Variants in NBPF20 observed in about 807,000 individuals in gnomAD.
The protein encoded by NBPF20 is NBPF family member NBPF20.
In NBPF20, 90 loss-of-function variants were observed where a neutral mutation model predicts 68.1. That is an observed-to-expected ratio of 1.32 (90% CI 1.11 to 1.58). The LOEUF (loss-of-function observed/expected upper bound fraction) is 1.58, where lower values mean the gene tolerates loss of function less well. Among genes scored for constraint, NBPF20 ranks in the 40% most tolerant of loss-of-function variants. The pLI is 0.00. For missense variants in NBPF20, 816 were observed against 601.2 expected, an observed-to-expected ratio of 1.36 and a Z score of -3.74; for synonymous variants, 290 against 228.1, an observed-to-expected ratio of 1.27 and a Z score of -2.45.
chr1:145,410,913 G>T, the NBPF20 span, among the ~76,000 whole-genome samples: 14 of 130,422 alleles, frequency 1.1e-4, no homozygotes, highest in Non-Finnish European at 1.8e-4. Flanking sequence ...GTTTGTGTGT[G>T]TGTGTGTGTA....
exon 138 of NBPF20, chr1:145,290,643 C>A (rs1213439606): frequency 6.6e-6 from 1 of 151,106 alleles, no homozygotes; most frequent in East Asian, 1.9e-4. Context: ...TTTTTGAACC[C>A]AAAATATCTC....
At chr1:145,390,395 T>C (rs1661949463) in intron 13 of NBPF20, among the ~76,000 whole-genome samples, 1 of 42,102 alleles carries the variant, frequency 2.4e-5, no homozygotes, top group Non-Finnish European at 3.8e-5. Flanking sequence ...GCTCAGTGAA[T>C]TGTCCAGGTG....
chr1:145,403,787 T>G (rs1662637483), intron 2 of NBPF20, among the ~76,000 whole-genome samples: 1 of 151,710 alleles, frequency 6.6e-6, no homozygotes, highest in Non-Finnish European at 1.5e-5. Flanking sequence ...CTTTGATTTT[T>G]AAATCATATC....
chr1:145,411,098 T>C, the NBPF20 span, among the ~76,000 whole-genome samples: 1 of 146,798 alleles, frequency 6.8e-6, no homozygotes, highest in Non-Finnish European at 1.5e-5. Context: ...TTCACCATTA[T>C]TCTTTTATAA....
Position 145,393,879 on chromosome 1 carries a change from C to G in NBPF20, c.1043+5G>C, listed in dbSNP as rs1662071896. The G allele has an allele frequency of 1.3e-6, 2 of 1,549,326 alleles. No homozygotes were observed. The highest frequency in any genetic ancestry group is 8.8e-7 in the Non-Finnish European group (1 of 1,134,010). ...AATTAACTCTCCACAATTTCTCAGACTCACCTGGGACCTGTTGCCTCTTGG... is the reference window on the plus strand; with the variant it reads ...AATTAACTCTCCACAATTTCTCAGAGTCACCTGGGACCTGTTGCCTCTTGG... On this transcript the variant is annotated splice_donor_5th_base_variant and intron_variant, in intron 9 of 137. Transcript: ENST00000369373.
the NBPF20 span, among the ~76,000 whole-genome samples, chr1:145,419,079 G>C: frequency 1.4e-5 from 2 of 139,624 alleles, no homozygotes; most frequent in Non-Finnish European, 3.0e-5. Flanking sequence ...GAGGAAGGGA[G>C]GGAGGAAGGA....
the NBPF20 span, among the ~76,000 whole-genome samples, chr1:145,419,421 A>G: frequency 1.3e-5 from 2 of 152,140 alleles, no homozygotes; most frequent in South Asian, 2.1e-4. Context: ...TCTGAAACAC[A>G]TAATTCCTCT....
chr1:145,410,796 ACG>A, the NBPF20 span, among the ~76,000 whole-genome samples: 2,758 of 102,680 alleles, frequency 0.027, 122 homozygotes, highest in African/African-American at 0.1. Context: ...ACATATATAT[ACG>A]TATATGTATA....
intron 9 of NBPF20, among the ~76,000 whole-genome samples, 188 bp from the exon 15 acceptor site, chr1:145,393,434 GAC>G (rs1433077887): frequency 7.0e-6 from 1 of 142,626 alleles, no homozygotes; most frequent in East Asian, 2.1e-4. Context: ...GAAAGAGAGA[GAC>G]ACACACTCAC....
At chr1:145,422,014 G>A in the NBPF20 span, among the ~76,000 whole-genome samples, 1 of 151,994 alleles carries the variant, frequency 6.6e-6, no homozygotes, top group Admixed American at 6.6e-5. Flanking sequence ...CTCCAGCCTG[G>A]GAAACAGAGC....
At chr1:145,409,637 T>G (rs1662929299), upstream of NBPF20, among the ~76,000 whole-genome samples, 1 of 148,530 alleles carries the variant, frequency 6.7e-6, no homozygotes, top group South Asian at 2.2e-4. Context: ...ATTGGAGATC[T>G]GAAGGGACTC....
intron 83 of NBPF20, among the ~76,000 whole-genome samples, chr1:145,334,866 G>T (rs1350679222): frequency 7.2e-6 from 1 of 138,892 alleles, no homozygotes; most frequent in African/African-American, 2.5e-5. Flanking sequence ...AGAGGAGAAA[G>T]TAAGCTCAGC....
At chr1:145,413,552 A>G in the NBPF20 span, among the ~76,000 whole-genome samples, 3 of 152,114 alleles carry the variant, frequency 2.0e-5, no homozygotes, top group Non-Finnish European at 1.5e-5. Flanking sequence ...GCCATACGCA[A>G]AAGAGTGTGA....
chr1:145,400,957 A>T, intron 5 of NBPF20, 102 bp downstream of exon 10: 2 of 1,416,942 alleles, frequency 1.4e-6, no homozygotes, highest in East Asian at 2.3e-5. Context: ...TGGCCAAGCA[A>T]ATGTGGGTTT....
At chr1:145,397,804 G>C (rs1286208684) in intron 7 of NBPF20, among the ~76,000 whole-genome samples, 5 of 152,138 alleles carry the variant, frequency 3.3e-5, no homozygotes, top group African/African-American at 4.8e-5. Context: ...TGGATAAAGA[G>C]TCAAGTCCCA....
chr1:145,422,148 G>A, the NBPF20 span, among the ~76,000 whole-genome samples: 5 of 150,468 alleles, frequency 3.3e-5, no homozygotes, highest in South Asian at 4.2e-4. Context: ...ATTTAGGTAC[G>A]ATCCATAAAG....
exon 2 of NBPF20, chr1:145,405,307 A>G (rs782611976): frequency 6.3e-7 from 1 of 1,582,022 alleles, no homozygotes; most frequent in Non-Finnish European, 8.7e-7. Context: ...GGAGTCAGGG[A>G]CTGGGGAGAA....
chr1:145,312,183 A>C (rs2101460044), intron 112 of NBPF20, 25 bp downstream of exon 117: 1 of 145,696 alleles, frequency 6.9e-6, no homozygotes, highest in East Asian at 1.9e-4. Flanking sequence ...GTGGATCCTT[A>C]TCACCTTCAT....
At chr1:145,291,477 T>G (rs782237764) in exon 138 of NBPF20, 2 of 1,612,000 alleles carry the variant, frequency 1.2e-6, no homozygotes, top group Non-Finnish European at 8.5e-7. Context: ...TTCACGTGCC[T>G]ATAGGTCCTG....
Sources: gnomAD v4.1 joint callset for allele counts (sites outside exome capture counted in the v4.1 genomes callset) on GRCh38, gnomAD v4.1.1 for gene constraint, MANE v1.5 for transcripts, NCBI Gene and HGNC (gene_info 2026-07-23, HGNC 2026-07-21) for gene names.